Variants in FMN1 observed in about 807,000 individuals in gnomAD.
The protein encoded by FMN1 is formin 1, also known as formin-1.
In FMN1, 110 loss-of-function variants were observed where a neutral mutation model predicts 132.4. The observed-to-expected ratio is 0.83, with a 90% CI of 0.71 to 0.97. The LOEUF (loss-of-function observed/expected upper bound fraction) is 0.97. Among genes scored for constraint, FMN1 ranks in the 50% least tolerant of loss-of-function variants. The pLI is 0.00. For synonymous variants in FMN1, 722 were observed against 651.7 expected (o/e 1.11, Z -1.64); for missense variants, 1,792 against 1,705.3 (o/e 1.05, Z -0.90).
At chr15:33,103,051 A>C (rs147577142) in intron 4 of FMN1, among the ~76,000 whole-genome samples, 3,043 of 152,216 alleles carry the variant, frequency 0.02, 61 homozygotes, top group South Asian at 0.092. Context: ...AGTACCAGGC[A>C]CTCCAGCATC....
chr15:32,796,659 G>A (rs1398659040), intron 19 of FMN1, among the ~76,000 whole-genome samples: 4 of 152,156 alleles, frequency 2.6e-5, no homozygotes, highest in Admixed American at 2.6e-4. Context: ...CATAATGAAT[G>A]TGTGATTCTA....
chr15:33,179,959 C>T (rs1240924365), intron 3 of FMN1, among the ~76,000 whole-genome samples: 1 of 152,110 alleles, frequency 6.6e-6, no homozygotes, highest in Non-Finnish European at 1.5e-5. Context: ...TGGGAGGCAG[C>T]TTTGAAATCA....
intron 17 of FMN1, among the ~76,000 whole-genome samples, chr15:32,808,093 GA>G (rs2057744476): frequency 6.6e-6 from 1 of 152,204 alleles, no homozygotes; most frequent in Non-Finnish European, 1.5e-5. Context: ...CCAAGTATAA[GA>G]ATCCCGGTGT....
At chr15:32,921,375 C>G (rs1045774576) in intron 10 of FMN1, among the ~76,000 whole-genome samples, 2 of 152,146 alleles carry the variant, frequency 1.3e-5, no homozygotes, top group Admixed American at 6.6e-5. Context: ...GGCTAGAGTG[C>G]AGTGAGATGA....
chr15:33,081,164 A>C (rs1359789660), intron 5 of FMN1, among the ~76,000 whole-genome samples: 1 of 152,158 alleles, frequency 6.6e-6, no homozygotes, highest in Non-Finnish European at 1.5e-5. Flanking sequence ...CCATTAAGAC[A>C]AGAGCCTGGA....
chr15:32,884,440 G>T (rs76658722), intron 16 of FMN1, among the ~76,000 whole-genome samples: 1 of 152,114 alleles, frequency 6.6e-6, no homozygotes, highest in Non-Finnish European at 1.5e-5. Context: ...AGTCCTCAGC[G>T]TTTAAAGACT....
At chr15:33,095,813 C>T (rs997932652) in intron 4 of FMN1, among the ~76,000 whole-genome samples, 1 of 152,044 alleles carries the variant, frequency 6.6e-6, no homozygotes, top group South Asian at 2.1e-4. Flanking sequence ...AAATCCAACT[C>T]TTGAAGACAT....
chr15:33,165,214 A>C (rs972338713), intron 3 of FMN1, among the ~76,000 whole-genome samples: 2 of 152,224 alleles, frequency 1.3e-5, no homozygotes, highest in African/African-American at 4.8e-5. Flanking sequence ...CTTCCTTTTC[A>C]AATATCGGGA....
chr15:33,030,575 C>G (rs558132385), intron 6 of FMN1, among the ~76,000 whole-genome samples: 1 of 152,286 alleles, frequency 6.6e-6, no homozygotes, highest in East Asian at 1.9e-4. Context: ...AATGATAACA[C>G]TAAAATAGAA....
chr15:33,005,419 C>T (rs947482431), intron 7 of FMN1, among the ~76,000 whole-genome samples: 8 of 152,176 alleles, frequency 5.3e-5, no homozygotes, highest in Non-Finnish European at 1.2e-4. Context: ...ATCTTTACTA[C>T]TGTTAATCAC....
chr15:33,109,203 C>T (rs1413336045), intron 4 of FMN1, among the ~76,000 whole-genome samples: 1 of 152,010 alleles, frequency 6.6e-6, no homozygotes, highest in Non-Finnish European at 1.5e-5. Flanking sequence ...TAACGAATGT[C>T]TTTGTTCTAA....
At chr15:32,854,780 G>C (rs541564299) in intron 17 of FMN1, among the ~76,000 whole-genome samples, 1 of 152,072 alleles carries the variant, frequency 6.6e-6, no homozygotes. Flanking sequence ...CGGGTGTGGT[G>C]GTGGGCGCCT....
chr15:33,073,049 A>G (rs2038060302), intron 5 of FMN1, among the ~76,000 whole-genome samples: 1 of 152,204 alleles, frequency 6.6e-6, no homozygotes, highest in Non-Finnish European at 1.5e-5. Flanking sequence ...GACTTTCCTA[A>G]TATTAGGAGA....
chr15:33,176,848 T>C (rs1024367797), intron 3 of FMN1, among the ~76,000 whole-genome samples: 1 of 152,240 alleles, frequency 6.6e-6, no homozygotes, highest in Non-Finnish European at 1.5e-5. Context: ...AGTATTAATA[T>C]GGTCAGGGGT....
chr15:32,984,451 G>T (rs2032922343), intron 7 of FMN1, among the ~76,000 whole-genome samples: 1 of 151,962 alleles, frequency 6.6e-6, no homozygotes, highest in African/African-American at 2.4e-5. Context: ...TCTCCCTCAG[G>T]TTCCTACTCT....
rs969132333 is a variant in FMN1 at position 32,766,568 on chromosome 15, TAAAAA to T, written c.*7737_*7741del. 7 of 67,680 alleles carry T rather than the reference TAAAAA, an allele frequency of 1.0e-4. No homozygotes were observed. Among genetic ancestry groups the T allele is most frequent in the Admixed American group, 2.2e-4 (1 of 4,456 alleles). 4.2% of individuals were successfully genotyped at this position (67,680 alleles called of 1,614,324 possible). On this transcript the variant is annotated 3_prime_UTR_variant, in exon 21 of 21. Transcript: ENST00000616417. The stretch of plus-strand genomic sequence containing the variant: ...CCCGCCCAATCTTCTTAAAATAAAA[TAAAAA>T]GAGACGTATTTTCCATCTCTTTTAT...
At chr15:33,146,553 G>GA (rs974957487) in intron 4 of FMN1, among the ~76,000 whole-genome samples, 10 of 151,324 alleles carry the variant, frequency 6.6e-5, no homozygotes, top group Admixed American at 4.6e-4. Context: ...CCATGACTGT[G>GA]AAAAAAAAAT....
intron 4 of FMN1, among the ~76,000 whole-genome samples, chr15:33,099,475 A>C (rs1462185429): frequency 1.3e-5 from 2 of 152,050 alleles, no homozygotes; most frequent in African/African-American, 4.8e-5. Flanking sequence ...AATAGCAGCA[A>C]TGTGATGTGC....
chr15:32,816,255 G>A (rs1041165859), intron 17 of FMN1, among the ~76,000 whole-genome samples: 2 of 151,924 alleles, frequency 1.3e-5, no homozygotes, highest in Non-Finnish European at 2.9e-5. Flanking sequence ...ACCACAAAAC[G>A]TGCTTGCAAA....
Sources: gnomAD v4.1 joint callset for allele counts (sites outside exome capture counted in the v4.1 genomes callset) on GRCh38, gnomAD v4.1.1 for gene constraint, MANE v1.5 for transcripts, NCBI Gene and HGNC (gene_info 2026-07-23, HGNC 2026-07-21) for gene names.